C1QTNF7: variants seen among roughly 807,000 people sequenced by gnomAD.
C1QTNF7 encodes the protein C1q and TNF related 7, also known as complement C1q tumor necrosis factor-related protein 7.
In C1QTNF7, 15 loss-of-function variants were observed where a neutral mutation model predicts 19.6. The ratio of observed to expected loss-of-function variants is 0.76; its 90% CI spans 0.51 to 1.18. The LOEUF is 1.18. Ranked by LOEUF, C1QTNF7 falls within the 50% of genes most tolerant of loss-of-function variation. The probability of loss-of-function intolerance (pLI) is 0.00; values close to 1 mark genes in which losing one functional copy is unlikely to be tolerated. For missense variants in C1QTNF7, 324 were observed against 359.7 expected (o/e 0.90, Z 0.80); for synonymous variants, 142 against 137.5 (o/e 1.03, Z -0.23).
intron 1 of C1QTNF7, among the ~76,000 whole-genome samples, chr4:15,365,132 C>T (rs1021401461): frequency 3.3e-5 from 5 of 151,986 alleles, no homozygotes; most frequent in Admixed American, 6.6e-5. Flanking sequence ...TACAAGCAAA[C>T]GAGCAGGTGT....
chr4:15,340,277 G>A, intron 1 of C1QTNF7: 1 of 1,515,094 alleles, frequency 6.6e-7, no homozygotes, highest in Non-Finnish European at 9.0e-7. Flanking sequence ...AATATTTCCT[G>A]GGAGAACTTA....
chr4:15,419,613 A>G (rs1281901137), intron 1 of C1QTNF7, among the ~76,000 whole-genome samples: 4 of 152,198 alleles, frequency 2.6e-5, no homozygotes, highest in African/African-American at 9.7e-5. Flanking sequence ...CTAAATAAAT[A>G]ATGATTTACT....
chr4:15,367,796 G>A (rs1020709307), intron 1 of C1QTNF7, among the ~76,000 whole-genome samples: 1 of 145,538 alleles, frequency 6.9e-6, no homozygotes, highest in Non-Finnish European at 1.5e-5. Context: ...CCTAGCAAAT[G>A]TTAGCCAGGA....
At chr4:15,412,702 G>C (rs1447104358) in intron 1 of C1QTNF7, among the ~76,000 whole-genome samples, 1 of 152,168 alleles carries the variant, frequency 6.6e-6, no homozygotes, top group African/African-American at 2.4e-5. Flanking sequence ...ATCTCTGGGA[G>C]GCTATTGCGC....
intron 1 of C1QTNF7, among the ~76,000 whole-genome samples, chr4:15,376,108 T>C (rs1218507381): frequency 6.6e-6 from 1 of 152,224 alleles, no homozygotes; most frequent in East Asian, 1.9e-4. Context: ...ATGTGCCTAA[T>C]GTGCTGAAAG....
At chr4:15,412,707 T>C (rs1046467901) in intron 1 of C1QTNF7, among the ~76,000 whole-genome samples, 8 of 152,178 alleles carry the variant, frequency 5.3e-5, no homozygotes, top group African/African-American at 1.9e-4. Context: ...TGGGAGGCTA[T>C]TGCGCAGCTC....
At chr4:15,369,093 C>T (rs528899941) in intron 1 of C1QTNF7, among the ~76,000 whole-genome samples, 1 of 152,316 alleles carries the variant, frequency 6.6e-6, no homozygotes, top group Admixed American at 6.5e-5. Context: ...AAGAACATGT[C>T]ATAGTGTTCA....
intron 1 of C1QTNF7, among the ~76,000 whole-genome samples, chr4:15,432,344 C>G (rs1386959694): frequency 6.6e-6 from 1 of 152,194 alleles, no homozygotes; most frequent in Non-Finnish European, 1.5e-5. Flanking sequence ...CTTGACTGAC[C>G]AGTCACCATC....
At chr4:15,407,585 A>C (rs1719238610) in intron 1 of C1QTNF7, among the ~76,000 whole-genome samples, 1 of 152,188 alleles carries the variant, frequency 6.6e-6, no homozygotes. Context: ...AATCTTAATC[A>C]GTGGTGAAAT....
At chr4:15,350,431 CTCATTTTCTTTCCCTGTAA>C (rs1716897158) in intron 1 of C1QTNF7, among the ~76,000 whole-genome samples, 1 of 151,454 alleles carries the variant, frequency 6.6e-6, no homozygotes, top group Non-Finnish European at 1.5e-5. Context: ...TGTAAAGTTA[CTCATTTTCTTTCCCTGTAA>C]AGTTACTCAT....
chr4:15,384,150 T>G (rs1225346237), intron 1 of C1QTNF7, among the ~76,000 whole-genome samples: 57 of 152,184 alleles, frequency 3.7e-4, no homozygotes, highest in Admixed American at 3.7e-3. Context: ...GAGATGACTA[T>G]GATAATGTTT....
intron 1 of C1QTNF7, among the ~76,000 whole-genome samples, chr4:15,390,526 C>T (rs1718515946): frequency 6.6e-6 from 1 of 152,092 alleles, no homozygotes; most frequent in Non-Finnish European, 1.5e-5. Context: ...GCCCATGAAA[C>T]ATTAAGGAAG....
In C1QTNF7 at chr4:15,392,875, T is replaced by G. The variant is rs540727249; in HGVS notation, c.14-42861T>G. Among the ~76,000 whole-genome samples the G allele has an allele frequency of 1.1e-4, 17 of 152,250 alleles. No individual in the cohort carries two copies. In the East Asian group the frequency reaches 2.9e-3, roughly 26 times the overall value. On this transcript the variant is annotated intron_variant, in intron 1 of 2. Transcript: ENST00000295297. ...GTGAATGCCACCTGGGAGTTTGCTA[T>G]CCTCCAACAAGAAAATCACCATCAT... is the stretch of plus-strand genomic sequence containing the variant.
chr4:15,342,981 C>A (rs1479824033), intron 1 of C1QTNF7, among the ~76,000 whole-genome samples: 1 of 152,168 alleles, frequency 6.6e-6, no homozygotes, highest in Non-Finnish European at 1.5e-5. Flanking sequence ...GTAATCACAT[C>A]TATCTTCTAT....
chr4:15,369,095 T>C (rs1717632065), intron 1 of C1QTNF7, among the ~76,000 whole-genome samples: 1 of 152,220 alleles, frequency 6.6e-6, no homozygotes, highest in African/African-American at 2.4e-5. Flanking sequence ...GAACATGTCA[T>C]AGTGTTCATT....
rs1577283115 is a variant in C1QTNF7 at position 15,435,900 on chromosome 4, G to A, written c.157G>A (p.Gly53Arg). Residue 53 changes from glycine (G) to arginine (R), a missense_variant, in exon 2 of 3, where the codon GGG becomes AGG. Coordinates refer to ENST00000444304, the MANE Select transcript of C1QTNF7 (RefSeq NM_031911.5). ...PGPPGANGSP[G>R]PHGRIGLPGR... The stretch of plus-strand genomic sequence containing the variant: ...GCCCCCTGGAGCAAATGGTTCCCCT[G>A]GGCCCCATGGTCGCATCGGCCTTCC... 6.2e-7 allele frequency: 1 copy of A among 1,614,060 alleles called. No homozygotes were observed. Among genetic ancestry groups the A allele is most frequent in the Non-Finnish European group, 8.5e-7 (1 of 1,180,018 alleles).
intron 1 of C1QTNF7, among the ~76,000 whole-genome samples, chr4:15,394,884 C>T (rs1718726050): frequency 6.6e-6 from 1 of 152,072 alleles, no homozygotes; most frequent in South Asian, 2.1e-4. Context: ...TTATTAAAGA[C>T]AATTTGAACA....
intron 1 of C1QTNF7, among the ~76,000 whole-genome samples, chr4:15,356,282 G>A (rs7654503): frequency 0.47 from 71,331 of 151,674 alleles, 18,016 homozygotes; most frequent in African/African-American, 0.65. Context: ...CCAGGTGTGT[G>A]ATATTCCCCT....
intron 1 of C1QTNF7, among the ~76,000 whole-genome samples, chr4:15,348,822 C>T (rs577946412): frequency 1.3e-5 from 2 of 152,244 alleles, no homozygotes; most frequent in Admixed American, 1.3e-4. Context: ...AAAGGAATTC[C>T]CATTTTCTTG....
Sources: allele counts gnomAD v4.1 joint callset (sites outside exome capture counted in the v4.1 genomes callset), GRCh38; gene constraint gnomAD v4.1.1; transcripts MANE v1.5; gene names NCBI Gene and HGNC (gene_info 2026-07-23, HGNC 2026-07-21).